The following PREX1 variants were observed in gnomAD, a reference collection of about 807,000 sequenced individuals.
PREX1 encodes phosphatidylinositol 3,4,5-trisphosphate-dependent Rac exchanger 1 protein.
A neutral mutation model predicts 198.3 loss-of-function variants in PREX1; 41 were observed. The observed-to-expected ratio is 0.21, with a 90% confidence interval of 0.16 to 0.27. The LOEUF (loss-of-function observed/expected upper bound fraction) is 0.27, where lower values mean the gene tolerates loss of function less well. Ranked by LOEUF, PREX1 falls within the 10% of genes least tolerant of loss-of-function variation. PREX1 has a pLI of 1.00. For synonymous variants in PREX1, 843 were observed against 887.2 expected (o/e 0.95, Z 0.89); for missense variants, 1,620 against 2,200.7 (o/e 0.74, Z 5.28).
the PREX1 span, among the ~76,000 whole-genome samples, chr20:48,837,964 C>T: frequency 2.6e-5 from 4 of 151,990 alleles, no homozygotes; most frequent in Admixed American, 6.5e-5. Context: ...ATTGAGCCAA[C>T]GAAGCCAGAT....
At chr20:48,846,269 G>A in the PREX1 span, among the ~76,000 whole-genome samples, 1 of 152,172 alleles carries the variant, frequency 6.6e-6, no homozygotes, top group Non-Finnish European at 1.5e-5. Flanking sequence ...GGCTTGGATT[G>A]GCCCAGGGGA....
chr20:48,634,579 G>A, intron 33 of PREX1, 97 bp downstream of exon 33: 3 of 1,259,536 alleles, frequency 2.4e-6, no homozygotes, highest in Non-Finnish European at 3.4e-6. Flanking sequence ...TGGGCAGCTG[G>A]CCCAGAGGCA....
intron 1 of PREX1, among the ~76,000 whole-genome samples, chr20:48,802,464 C>T (rs1362221768): frequency 6.6e-6 from 1 of 152,196 alleles, no homozygotes; most frequent in Non-Finnish European, 1.5e-5. Context: ...CCTTAATTCC[C>T]ATGGCTGGCT....
At chr20:48,783,841 C>A (rs551786123) in intron 1 of PREX1, among the ~76,000 whole-genome samples, 1 of 152,170 alleles carries the variant, frequency 6.6e-6, no homozygotes, top group Admixed American at 6.5e-5. Context: ...CTTCAAAATA[C>A]CCCAAATGAG....
chr20:48,646,620 C>G (rs2089452915), intron 25 of PREX1, among the ~76,000 whole-genome samples: 1 of 144,280 alleles, frequency 6.9e-6, no homozygotes, highest in East Asian at 2.0e-4. Context: ...ACCTGGGAGG[C>G]GGAGGTTGAA....
intron 1 of PREX1, among the ~76,000 whole-genome samples, chr20:48,753,017 C>T (rs377162410): frequency 2.0e-5 from 3 of 152,134 alleles, no homozygotes; most frequent in Admixed American, 6.5e-5. Context: ...CATGTTTCCT[C>T]GAGCCCAGGC....
chr20:48,835,883 A>G, the PREX1 span, among the ~76,000 whole-genome samples: 2 of 152,328 alleles, frequency 1.3e-5, no homozygotes, highest in South Asian at 2.1e-4. Context: ...AGGATACTGC[A>G]CTAGTCCAGG....
intron 1 of PREX1, among the ~76,000 whole-genome samples, chr20:48,769,689 C>T: frequency 6.6e-6 from 1 of 152,196 alleles, no homozygotes; most frequent in East Asian, 1.9e-4. Context: ...ACGCCTGTCA[C>T]CACGTAACCA....
chr20:48,671,255 A>G (rs1180342121), intron 14 of PREX1, among the ~76,000 whole-genome samples: 1 of 152,164 alleles, frequency 6.6e-6, no homozygotes, highest in African/African-American at 2.4e-5. Flanking sequence ...CCCCTAATAC[A>G]CAGAAAGAAA....
chr20:48,872,019 C>T, the PREX1 span, among the ~76,000 whole-genome samples: 4 of 151,840 alleles, frequency 2.6e-5, no homozygotes, highest in Non-Finnish European at 4.4e-5. Flanking sequence ...ACTAGCCGGG[C>T]GTGGTGGCGG....
At chr20:48,813,913 C>T (rs369702652) in intron 1 of PREX1, among the ~76,000 whole-genome samples, 1 of 152,194 alleles carries the variant, frequency 6.6e-6, no homozygotes, top group African/African-American at 2.4e-5. Flanking sequence ...GATACTGACA[C>T]CTCCACTGTA....
intron 8 of PREX1, among the ~76,000 whole-genome samples, chr20:48,692,019 A>T (rs1163239772): frequency 6.6e-6 from 1 of 152,168 alleles, no homozygotes; most frequent in African/African-American, 2.4e-5. Flanking sequence ...CCTCCACAGT[A>T]GCTGGGACCA....
chr20:48,812,997 C>A lies in PREX1; in HGVS notation c.219+14645G>T, dbSNP rs1041192769. 2.0e-5 allele frequency among the ~76,000 whole-genome samples: 3 copies of A among 152,220 alleles called. No homozygotes were observed. In the East Asian group the frequency reaches 5.8e-4, roughly 29 times the overall value. On this transcript the variant is annotated intron_variant, in intron 1 of 39. Transcript: ENST00000371941. Reference sequence around the variant, plus strand: ...TATTCATCTTTATTTCCCAAATTTTCTAAAATGAGCGCAGTAACTGCAAAC... The same window carrying A: ...TATTCATCTTTATTTCCCAAATTTTATAAAATGAGCGCAGTAACTGCAAAC...
At chr20:48,705,368 C>A (rs529159358) in intron 6 of PREX1, among the ~76,000 whole-genome samples, 1 of 152,308 alleles carries the variant, frequency 6.6e-6, no homozygotes, top group East Asian at 1.9e-4. Flanking sequence ...AAAAAACACA[C>A]ATATGGGAGA....
In PREX1 at chr20:48,651,577, G is replaced by A. The variant is rs1220418788; in HGVS notation, c.2474C>T (p.Pro825Leu). ...QEEDQADSAF[P>L]LLSLGPRLSL... ...CAGCCGGGGACCCAGGGACAGCAGT[G>A]GGAAGGCTGGAAGCCAAAAGAGGTG... The change falls in exon 22 of 40, where the codon CCA becomes CTA. Residue 825 changes from proline to leucine, a missense_variant. Pro to Leu is a moderately conservative substitution (Grantham distance 98, BLOSUM62 -3). Around this residue, in one of 7 missense-constraint regions of PREX1, gnomAD observed 514 missense variants for 611.6 expected, o/e 0.84. Transcript: ENST00000371941. 6.2e-7 allele frequency: 1 copy of A among 1,612,798 alleles called. No individual in the cohort carries two copies. Among genetic ancestry groups the A allele is most frequent in the South Asian group, 1.1e-5 (1 of 90,932 alleles).
In PREX1 at chr20:48,740,247, C is replaced by T. The variant is rs2090075039; in HGVS notation, c.414+4778G>A. 2.0e-5 allele frequency among the ~76,000 whole-genome samples: 3 copies of T among 152,318 alleles called. No individual in the cohort carries two copies. The South Asian group carries it at 6.2e-4, about 32-fold the overall frequency. ...GGAGAGTGGACCCAGCACCTCTTTC[C>T]TTTGGGGCTGCAGTGGATGCCATGG... is the stretch of plus-strand genomic sequence containing the variant. On this transcript the variant is annotated intron_variant, in intron 3 of 39. Coordinates refer to ENST00000371941, the MANE Select transcript of PREX1 (RefSeq NM_020820.4).
intron 1 of PREX1, chr20:48,821,826 C>T (rs973599121): frequency 2.0e-5 from 3 of 152,192 alleles, no homozygotes; most frequent in Non-Finnish European, 2.9e-5. Context: ...CAACCCCATT[C>T]GCGTCTTCTT....
At chr20:48,865,817 T>C in the PREX1 span, among the ~76,000 whole-genome samples, 5 of 152,200 alleles carry the variant, frequency 3.3e-5, no homozygotes, top group Admixed American at 3.3e-4. Flanking sequence ...TAATAATTAT[T>C]GTGCACAAAC....
At chr20:48,627,658 G>A (rs1377789509) in intron 38 of PREX1, 43 bp from the exon 39 acceptor site, 3 of 1,597,064 alleles carry the variant, frequency 1.9e-6, no homozygotes, top group East Asian at 4.5e-5. Context: ...GCAGGTTCAG[G>A]GCACGTGAGG....
Sources: gnomAD v4.1 joint callset for allele counts (sites outside exome capture counted in the v4.1 genomes callset) on GRCh38, gnomAD v4.1.1 for gene constraint, gnomAD v4.1.1 regional missense constraint, MANE v1.5 for transcripts, NCBI Gene and HGNC (gene_info 2026-07-23, HGNC 2026-07-21) for gene names.